Variants in NFIB observed in about 807,000 individuals in gnomAD.
NFIB encodes nuclear factor 1 B-type.
NFIB carries 11 observed loss-of-function variants against 61.5 expected under a neutral mutation model. The observed-to-expected ratio is 0.18, with a 90% CI of 0.11 to 0.30. The LOEUF is 0.30. NFIB is among the 10% of genes least tolerant of loss of function. The pLI is 1.00. For missense variants in NFIB, 471 were observed against 608.9 expected (o/e 0.77, Z 2.38); for synonymous variants, 260 against 216.5 (o/e 1.20, Z -1.76).
the NFIB span, among the ~76,000 whole-genome samples, chr9:14,440,206 A>G: frequency 6.6e-6 from 1 of 152,156 alleles, no homozygotes; most frequent in African/African-American, 2.4e-5. Context: ...GAGCTCTGCA[A>G]GGGGCCAGCT....
At chr9:14,516,536 G>T in the NFIB span, among the ~76,000 whole-genome samples, 1 of 152,136 alleles carries the variant, frequency 6.6e-6, no homozygotes, top group Non-Finnish European at 1.5e-5. Flanking sequence ...TAAGCTCCTT[G>T]GCATTGCATG....
intron 2 of NFIB, among the ~76,000 whole-genome samples, chr9:14,248,517 T>C (rs2055199574): frequency 6.6e-6 from 1 of 152,170 alleles, no homozygotes; most frequent in Non-Finnish European, 1.5e-5. Context: ...GCAGTCCTCC[T>C]GCCTTAGCCT....
the NFIB span, among the ~76,000 whole-genome samples, chr9:14,446,552 T>C: frequency 2.0e-5 from 3 of 152,200 alleles, no homozygotes; most frequent in Non-Finnish European, 2.9e-5. Context: ...ATTTCTTTCC[T>C]GTAAAACATC....
chr9:14,163,621 A>C (rs922513277), intron 3 of NFIB, among the ~76,000 whole-genome samples: 13 of 152,052 alleles, frequency 8.5e-5, no homozygotes, highest in African/African-American at 3.1e-4. Flanking sequence ...TTATGAATAC[A>C]ATCTATTAAA....
At chr9:14,091,367 G>A (rs538316334) in intron 10 of NFIB, among the ~76,000 whole-genome samples, 4 of 151,972 alleles carry the variant, frequency 2.6e-5, no homozygotes, top group African/African-American at 9.6e-5. Flanking sequence ...GTCTAAAATT[G>A]CATACTTACT....
chr9:14,333,310 T>C (rs922915695), intron 1 of NFIB, among the ~76,000 whole-genome samples: 4 of 152,194 alleles, frequency 2.6e-5, no homozygotes, highest in Admixed American at 2.0e-4. Context: ...CCAAGGTCAA[T>C]AGCTTGCAGG....
chr9:14,475,350 C>G, the NFIB span, among the ~76,000 whole-genome samples: 1 of 152,202 alleles, frequency 6.6e-6, no homozygotes, highest in Non-Finnish European at 1.5e-5. Context: ...GGATAAGAAC[C>G]TTTCGACCAT....
intron 10 of NFIB, among the ~76,000 whole-genome samples, chr9:14,110,103 A>C (rs1563793601): frequency 6.6e-6 from 1 of 152,078 alleles, no homozygotes; most frequent in Non-Finnish European, 1.5e-5. Flanking sequence ...TTTTCATCTT[A>C]ATTTGATAAT....
At chr9:14,352,968 T>G (rs973582775) in intron 1 of NFIB, among the ~76,000 whole-genome samples, 1 of 152,204 alleles carries the variant, frequency 6.6e-6, no homozygotes, top group Admixed American at 6.5e-5. Flanking sequence ...GCTCATTTAT[T>G]ACTGAATCTT....
intron 5 of NFIB, among the ~76,000 whole-genome samples, chr9:14,147,636 C>CTTTTTTT (rs34256054): frequency 1.8e-5 from 2 of 108,672 alleles, no homozygotes; most frequent in Non-Finnish European, 3.4e-5. Flanking sequence ...TAAAATGATA[C>CTTTTTTT]TTTTTTTTTT....
intron 3 of NFIB, among the ~76,000 whole-genome samples, chr9:14,164,309 C>G (rs1299257281): frequency 1.3e-5 from 2 of 151,956 alleles, no homozygotes; most frequent in Admixed American, 6.6e-5. Flanking sequence ...GTATGAACAT[C>G]ACAGAGTGTA....
intron 10 of NFIB, among the ~76,000 whole-genome samples, chr9:14,096,853 A>G (rs939903787): frequency 1.3e-5 from 2 of 152,200 alleles, no homozygotes; most frequent in African/African-American, 4.8e-5. Context: ...TGGCATCTTA[A>G]TGGATTGCTG....
At chr9:14,463,490 T>C in the NFIB span, among the ~76,000 whole-genome samples, 1 of 151,996 alleles carries the variant, frequency 6.6e-6, no homozygotes, top group African/African-American at 2.4e-5. Context: ...CTGTCACCCA[T>C]CAATGTCAGG....
Position 14,179,744 on chromosome 9 carries a change from G to T in NFIB, c.599C>A (p.Pro200His). 3 of 1,613,566 alleles carry T rather than the reference G, an allele frequency of 1.9e-6. No homozygotes were observed. Among genetic ancestry groups the T allele is most frequent in the Non-Finnish European group, 2.5e-6 (3 of 1,179,692 alleles). ...GQSGSPSHND[P>H]AKNPPGYLED... ...ATATTTACCTGGAGGATTCTTGGCA[G>T]GATCATTGTGGCTTGGACTTCCTGA... Residue 200 changes from proline to histidine, a missense_variant, in exon 3 of 11, where the codon CCT becomes CAT. Physicochemically the swap from Pro to His is moderately conservative, Grantham distance 77 (BLOSUM62 -2). Coordinates refer to ENST00000380953, the MANE Select transcript of NFIB (RefSeq NM_001190737.2).
At chr9:14,486,793 C>A in the NFIB span, among the ~76,000 whole-genome samples, 2 of 152,068 alleles carry the variant, frequency 1.3e-5, no homozygotes, top group Admixed American at 6.5e-5. Context: ...TGGGGTATAA[C>A]TGGATGGTGG....
the NFIB span, among the ~76,000 whole-genome samples, chr9:14,418,338 TC>T: frequency 1.3e-5 from 2 of 152,028 alleles, no homozygotes; most frequent in Non-Finnish European, 2.9e-5. Context: ...TATATGAACA[TC>T]CACAATGGCT....
the NFIB span, among the ~76,000 whole-genome samples, chr9:14,509,075 G>A: frequency 6.6e-6 from 1 of 152,214 alleles, no homozygotes; most frequent in Non-Finnish European, 1.5e-5. Context: ...TTCCTAAAAT[G>A]AGTTGTTTCA....
the NFIB span, among the ~76,000 whole-genome samples, chr9:14,506,184 C>T: frequency 9.5e-3 from 1,449 of 152,232 alleles, 19 homozygotes; most frequent in African/African-American, 0.033. Context: ...ATACACCCAA[C>T]TTCCCATGTT....
Position 14,084,544 on chromosome 9 carries a change from G to C in NFIB, c.*3765C>G. ...TTTTTTCCTTAGACAAGCCTCAAAT[G>C]CTCACGTCACTCCAGGGGTAACACG... On this transcript the variant is annotated 3_prime_UTR_variant, in exon 11 of 11. Transcript: ENST00000380953. The C allele has an allele frequency of 4.4e-6, 1 of 226,610 alleles. No individual in the cohort carries two copies. The highest frequency in any genetic ancestry group is 6.4e-5 in the East Asian group (1 of 15,746). 14.0% of individuals were successfully genotyped at this position (226,610 alleles called of 1,614,324 possible).
Sources: gnomAD v4.1 joint callset for allele counts (sites outside exome capture counted in the v4.1 genomes callset) on GRCh38, gnomAD v4.1.1 for gene constraint, MANE v1.5 for transcripts, NCBI Gene and HGNC (gene_info 2026-07-23, HGNC 2026-07-21) for gene names.